Variants in FIRRM observed in about 807,000 individuals in gnomAD.
FIRRM encodes FIGNL1-interacting regulator of recombination and mitosis.
chr1:169,845,564 C>G, the FIRRM span, among the ~76,000 whole-genome samples: 1 of 152,188 alleles, frequency 6.6e-6, no homozygotes, highest in African/African-American at 2.4e-5. Flanking sequence ...TTTAATAACT[C>G]AGTTTATGTA....
chr1:169,786,700 A>G, the FIRRM span, among the ~76,000 whole-genome samples: 1 of 152,258 alleles, frequency 6.6e-6, no homozygotes, highest in Admixed American at 6.5e-5. Flanking sequence ...TTTGAGCTCT[A>G]GGACATTTTA....
At chr1:169,810,834 A>AATTTTTTTT in the FIRRM span, among the ~76,000 whole-genome samples, 2 of 61,194 alleles carry the variant, frequency 3.3e-5, no homozygotes, top group East Asian at 1.1e-3. Flanking sequence ...TTAGCCCCCA[A>AATTTTTTTT]TTTTTTTTTT....
chr1:169,848,327 A>G, the FIRRM span, among the ~76,000 whole-genome samples: 1 of 152,208 alleles, frequency 6.6e-6, no homozygotes, highest in African/African-American at 2.4e-5. Flanking sequence ...GCCAGTACAT[A>G]ATTTAAAGAA....
the FIRRM span, chr1:169,792,859 A>G: frequency 1.2e-6 from 2 of 1,614,086 alleles, no homozygotes; most frequent in East Asian, 2.2e-5. Flanking sequence ...GTTTTTCACT[A>G]CTTAGTACAA....
chr1:169,799,982 C>T, the FIRRM span, among the ~76,000 whole-genome samples: 6 of 152,168 alleles, frequency 3.9e-5, no homozygotes, highest in Non-Finnish European at 7.3e-5. Flanking sequence ...CCTCCATCTT[C>T]TAAAGTGCTG....
At chr1:169,826,627 T>A in the FIRRM span, among the ~76,000 whole-genome samples, 1 of 151,976 alleles carries the variant, frequency 6.6e-6, no homozygotes, top group African/African-American at 2.4e-5. Context: ...CCTCCCAAAG[T>A]GCTGGGATTA....
At chr1:169,787,970 GA>G in the FIRRM span, among the ~76,000 whole-genome samples, 34 of 152,282 alleles carry the variant, frequency 2.2e-4, no homozygotes, top group Middle Eastern at 3.4e-3. Context: ...AGATGACTAA[GA>G]AGAGTTGAAA....
chr1:169,849,248 A>G, the FIRRM span, among the ~76,000 whole-genome samples: 1 of 152,248 alleles, frequency 6.6e-6, no homozygotes, highest in African/African-American at 2.4e-5. Flanking sequence ...TCAGGGAAGC[A>G]AGTATAGCTA....
chr1:169,840,472 T>C, the FIRRM span, among the ~76,000 whole-genome samples: 20,269 of 152,026 alleles, frequency 0.13, 1,609 homozygotes, highest in Admixed American at 0.2. Flanking sequence ...GGGGTGTGCG[T>C]GTATCTACTG....
the FIRRM span, chr1:169,804,363 C>G: frequency 1.2e-6 from 1 of 839,948 alleles, no homozygotes; most frequent in African/African-American, 1.8e-5. Context: ...TTAAATCTTA[C>G]CAAATAAATT....
chr1:169,801,074 A>AT, the FIRRM span: 1 of 590,840 alleles, frequency 1.7e-6, no homozygotes, highest in Non-Finnish European at 3.0e-6. Flanking sequence ...TATCAAATAT[A>AT]TTCAAAATAA....
the FIRRM span, among the ~76,000 whole-genome samples, chr1:169,838,563 C>T: frequency 6.6e-6 from 1 of 152,100 alleles, no homozygotes; most frequent in Admixed American, 6.5e-5. Flanking sequence ...GATTTTGGCT[C>T]ACCGCAACCT....
At chr1:169,833,466 T>C in the FIRRM span, among the ~76,000 whole-genome samples, 1 of 152,242 alleles carries the variant, frequency 6.6e-6, no homozygotes, top group Non-Finnish European at 1.5e-5. Flanking sequence ...CAAGTCATCC[T>C]TTCTGAACTT....
chr1:169,805,099 A>G, the FIRRM span, among the ~76,000 whole-genome samples: 1 of 152,284 alleles, frequency 6.6e-6, no homozygotes, highest in African/African-American at 2.4e-5. Flanking sequence ...GTTTGCATTC[A>G]AAACTTTGGT....
chr1:169,833,884 G>A, the FIRRM span, among the ~76,000 whole-genome samples: 1 of 140,984 alleles, frequency 7.1e-6, no homozygotes. Context: ...ATAGAGACAG[G>A]GTCTGGTTAT....
At chr1:169,830,815 T>A in the FIRRM span, 2 of 1,360,988 alleles carry the variant, frequency 1.5e-6, no homozygotes, top group Non-Finnish European at 2.1e-6. Context: ...TGATAATCTT[T>A]AAGAATGTGA....
chr1:169,827,241 A>G, the FIRRM span: 56 of 1,550,514 alleles, frequency 3.6e-5, no homozygotes, highest in Non-Finnish European at 4.7e-5. Flanking sequence ...ATCTATTATG[A>G]CATGTTAGAG....
the FIRRM span, among the ~76,000 whole-genome samples, chr1:169,813,450 A>G: frequency 6.6e-5 from 10 of 152,346 alleles, no homozygotes; most frequent in Non-Finnish European, 1.5e-4. Flanking sequence ...CACATATTAC[A>G]CAAGTATCTA....
At chr1:169,840,444 T>C in the FIRRM span, among the ~76,000 whole-genome samples, 1 of 152,174 alleles carries the variant, frequency 6.6e-6, no homozygotes, top group Non-Finnish European at 1.5e-5. Context: ...TTCACCTCCT[T>C]GGTTAAATGT....
Sources: allele counts gnomAD v4.1 joint callset (sites outside exome capture counted in the v4.1 genomes callset), GRCh38; gene constraint gnomAD v4.1.1; transcripts MANE v1.5; gene names NCBI Gene and HGNC (gene_info 2026-07-23, HGNC 2026-07-21).